UNG: variants seen among roughly 807,000 people sequenced by gnomAD.
UNG encodes the protein uracil-DNA glycosylase.
UNG carries 34 observed loss-of-function variants against 36.5 expected under a neutral mutation model. The ratio of observed to expected loss-of-function variants is 0.93; its 90% confidence interval spans 0.71 to 1.24. The LOEUF (loss-of-function observed/expected upper bound fraction) is 1.24, where lower values mean the gene tolerates loss of function less well. UNG is among the 50% of genes most tolerant of loss of function. The probability of loss-of-function intolerance (pLI) is 0.00; values close to 1 mark genes in which losing one functional copy is unlikely to be tolerated. For missense variants in UNG, 391 were observed against 397.6 expected (o/e 0.98, Z 0.14); for synonymous variants, 172 against 157.8 (o/e 1.09, Z -0.67).
intron 1 of UNG, chr12:109,098,013 C>G (rs1262840313): frequency 3.9e-6 from 5 of 1,283,590 alleles, no homozygotes; most frequent in Non-Finnish European, 5.1e-6. Flanking sequence ...GAACGCGTCT[C>G]GGGGCCCATG....
At chr12:109,099,741 T>C (rs1354867883) in intron 3 of UNG, among the ~76,000 whole-genome samples, 2 of 152,226 alleles carry the variant, frequency 1.3e-5, no homozygotes, top group Non-Finnish European at 2.9e-5. Context: ...GTTTGTCTTA[T>C]ATAACAGTTG....
At chr12:109,106,934 T>TATATATGTATATATGTGTATATAA in intron 6 of UNG, among the ~76,000 whole-genome samples, 1 of 39,926 alleles carries the variant, frequency 2.5e-5, no homozygotes, top group African/African-American at 1.4e-4. Flanking sequence ...TATATATATA[T>TATATATGTATATATGTGTATATAA]AAAAAATATT....
chr12:109,108,272 C>T (rs1462431464), intron 6 of UNG, among the ~76,000 whole-genome samples: 4 of 152,000 alleles, frequency 2.6e-5, no homozygotes, highest in South Asian at 2.1e-4. Flanking sequence ...TGATTTTTTT[C>T]GACTTTACAA....
chr12:109,105,556 A>G (rs774446708), intron 6 of UNG, among the ~76,000 whole-genome samples: 2 of 152,178 alleles, frequency 1.3e-5, no homozygotes, highest in African/African-American at 2.4e-5. Context: ...CCCCATGAAC[A>G]TGCCAAATTC....
At position 109,097,901 on chromosome 12, in the gene UNG, T is replaced by C. The variant is rs909513284; in HGVS notation, c.132+90T>C. On this transcript the variant is annotated intron_variant, in intron 1 of 6. Coordinates refer to ENST00000242576, the MANE Select transcript of UNG (RefSeq NM_080911.3). ...CGGAGGGCGTGCAGGATCGCGCCTC[T>C]GACTCGGTAAACCCGGGCTCCGCTT... 68 of 1,408,214 alleles carry C rather than the reference T, an allele frequency of 4.8e-5. 2 individuals carry two copies. In the Middle Eastern group the frequency reaches 3.7e-3, roughly 77 times the overall value. 87.2% of individuals were successfully genotyped at this position (1,408,214 alleles called of 1,614,324 possible). A position where few individuals can be genotyped will look rare whatever the true frequency, so the allele number is the denominator to read the frequency against.
In UNG at chr12:109,102,947, A is replaced by G. The variant is rs963729277; in HGVS notation, c.622+20A>G. 3.1e-6 allele frequency: 3 copies of G among 971,338 alleles called. No homozygotes were observed. Among genetic ancestry groups the G allele is most frequent in the African/African-American group, 2.0e-5 (1 of 49,336 alleles). The allele number at this position is 971,338 out of a possible 1,614,324, so 60.2% of individuals were successfully genotyped here. ...AGCAAGGTAAGCCAGCGACTGCTAG[A>G]TTTTTTTTTTTTTTTTTTTTTTGAG... On this transcript the variant is annotated intron_variant, in intron 5 of 6. Transcript: ENST00000242576.
chr12:109,106,558 A>G (rs907129763), intron 6 of UNG, among the ~76,000 whole-genome samples: 1 of 152,038 alleles, frequency 6.6e-6, no homozygotes. Context: ...TTGCCACATA[A>G]TGATGTTTCA....
Position 109,102,878 on chromosome 12 carries a change from G to A in UNG, c.573G>A (p.Glu191=). The A allele has an allele frequency of 6.2e-7, 1 of 1,613,276 alleles. No individual in the cohort carries two copies. The highest frequency in any genetic ancestry group is 8.5e-7 in the Non-Finnish European group (1 of 1,179,768). ...NIYKELSTDI[E]DFVHPGHGDL... ...ATAAAGAGTTGTCTACAGACATAGA[G>A]GATTTTGTTCATCCTGGCCATGGAG... The change falls in exon 5 of 7, where the codon GAG becomes GAA. Residue 191 remains glutamate, a synonymous_variant. Coordinates refer to ENST00000242576, the MANE Select transcript of UNG (RefSeq NM_080911.3).
chr12:109,105,913 G>A (rs560862643), intron 6 of UNG, among the ~76,000 whole-genome samples: 1 of 152,352 alleles, frequency 6.6e-6, no homozygotes, highest in African/African-American at 2.4e-5. Context: ...GGGTAGAGGG[G>A]TGGCCCCCAA....
rs774680893 is a variant in UNG, at chr12:109,098,456, G to A, written c.157G>A (p.Ala53Thr). The A allele has an allele frequency of 6.2e-6, 10 of 1,610,632 alleles. No homozygotes were observed. The Admixed American group carries it at 1.3e-4, about 22-fold the overall frequency. ...AAAIPAKKAP[A>T]GQEEPGTPPS... ...GGCCATCCCAGCCAAGAAGGCCCCG[G>A]CTGGGCAGGAGGAGCCTGGGACGCC... The change falls in exon 2 of 7, where the codon GCT becomes ACT. Residue 53 changes from alanine to threonine, a missense_variant. By Grantham distance (58) the Ala-to-Thr change is moderately conservative. Coordinates refer to ENST00000242576, the MANE Select transcript of UNG (RefSeq NM_080911.3).
chr12:109,098,664 A>T (rs1221630730), intron 2 of UNG, 26 bp downstream of exon 2: 17 of 1,613,012 alleles, frequency 1.1e-5, no homozygotes, highest in Non-Finnish European at 1.3e-5. Context: ...CACCTTCCAT[A>T]AGGGTAAATG....
intron 5 of UNG, 108 bp from the exon 6 acceptor site, chr12:109,103,325 C>A: frequency 1.9e-6 from 2 of 1,051,142 alleles, no homozygotes; most frequent in Non-Finnish European, 2.9e-6. Flanking sequence ...CAGCTTGCTA[C>A]ACTGGATCCC....
intron 6 of UNG, 100 bp downstream of exon 6, chr12:109,103,711 C>A: frequency 7.6e-7 from 1 of 1,323,592 alleles, no homozygotes; most frequent in Non-Finnish European, 1.0e-6. Context: ...CCTGGAAAAT[C>A]CATGTTATAA....
intron 3 of UNG, among the ~76,000 whole-genome samples, chr12:109,099,713 T>C (rs1566120450): frequency 6.6e-6 from 1 of 152,224 alleles, no homozygotes; most frequent in Non-Finnish European, 1.5e-5. Flanking sequence ...GGTTCTGTTA[T>C]CAGATCCCTT....
In UNG at chr12:109,102,839, T is replaced by C. The variant is rs1306892540; in HGVS notation, c.534T>C (p.Ser178=). The change falls in exon 5 of 7, where the codon AGT becomes AGC. Residue 178 remains serine, a splice_region_variant and synonymous_variant. Coordinates refer to ENST00000242576, the MANE Select transcript of UNG (RefSeq NM_080911.3). ...TGTTTTTCTTGTGGCTTGCTTTCAGTTTGGAGAACATTTATAAAGAGTTGT... is the reference window on the plus strand; with the variant it reads ...TGTTTTTCTTGTGGCTTGCTTTCAGCTTGGAGAACATTTATAAAGAGTTGT... ...SVQRPVPPPP[S]LENIYKELST... 1 of 1,613,110 alleles carries C rather than the reference T, an allele frequency of 6.2e-7. No homozygotes were observed. The highest frequency in any genetic ancestry group is 8.5e-7 in the Non-Finnish European group (1 of 1,179,062).
intron 6 of UNG, among the ~76,000 whole-genome samples, chr12:109,104,642 G>A (rs917576328): frequency 1.3e-5 from 2 of 152,094 alleles, no homozygotes; most frequent in Non-Finnish European, 2.9e-5. Context: ...CAGGAGAACC[G>A]TGATGGACTA....
rs747470868 is a variant in UNG, at chr12:109,101,938, G to A, written c.472G>A (p.Gly158Arg). ...CATCCTGGGACAGGATCCATATCAT[G>A]GACCTAATCAAGCTCACGGGCTCTG... ...VVILGQDPYH[G>R]PNQAHGLCFS... Residue 158 changes from glycine (G) to arginine (R), a missense_variant, in exon 4 of 7, where the codon GGA becomes AGA. Physicochemically the swap from Gly to Arg is moderately radical, Grantham distance 125. Coordinates refer to ENST00000242576, the MANE Select transcript of UNG (RefSeq NM_080911.3). The A allele has an allele frequency of 3.7e-6, 6 of 1,613,944 alleles. No individual in the cohort carries two copies. The highest frequency in any genetic ancestry group is 8.5e-7 in the Non-Finnish European group (1 of 1,180,000).
At chr12:109,103,351 C>T in intron 5 of UNG, 82 bp from the exon 6 acceptor site, 1 of 1,323,146 alleles carries the variant, frequency 7.6e-7, no homozygotes, top group South Asian at 1.2e-5. Context: ...GCATTGGTTT[C>T]ATCATGGATT....
chr12:109,098,265 T>A, intron 1 of UNG, 167 bp from the exon 2 acceptor site: 1 of 1,523,334 alleles, frequency 6.6e-7, no homozygotes, highest in East Asian at 2.3e-5. Context: ...TAATTCCCAA[T>A]TCCCGGACCG....
Sources: gnomAD v4.1 joint callset for allele counts (sites outside exome capture counted in the v4.1 genomes callset) on GRCh38, gnomAD v4.1.1 for gene constraint, MANE v1.5 for transcripts, NCBI Gene and HGNC (gene_info 2026-07-23, HGNC 2026-07-21) for gene names.